Variants in TNRC6B observed in about 807,000 individuals in gnomAD.
TNRC6B encodes the protein trinucleotide repeat-containing gene 6B protein.
A neutral mutation model predicts 203.6 loss-of-function variants in TNRC6B; 52 were observed. The observed-to-expected ratio is 0.26, with a 90% CI of 0.20 to 0.32. TNRC6B has a LOEUF of 0.32. TNRC6B is among the 10% of genes least tolerant of loss of function. TNRC6B has a pLI of 1.00. For missense variants in TNRC6B, 1,923 were observed against 2,286.2 expected, an observed-to-expected ratio of 0.84 and a Z score of 3.24; for synonymous variants, 838 against 845.7, an observed-to-expected ratio of 0.99 and a Z score of 0.16.
chr22:40,130,006 T>C (rs1314449996), intron 3 of TNRC6B, among the ~76,000 whole-genome samples: 1 of 152,218 alleles, frequency 6.6e-6, no homozygotes, highest in African/African-American at 2.4e-5. Context: ...AAAGAGAAAT[T>C]AAATGATTTT....
chr22:40,207,971 G>A (rs550898420), intron 1 of TNRC6B, among the ~76,000 whole-genome samples: 8 of 151,814 alleles, frequency 5.3e-5, no homozygotes, highest in South Asian at 4.2e-4. Context: ...AAAATTAGCC[G>A]GGCATGGTGG....
At chr22:40,050,725 T>G (rs1259091787) in intron 1 of TNRC6B, among the ~76,000 whole-genome samples, 1 of 152,172 alleles carries the variant, frequency 6.6e-6, no homozygotes, top group Admixed American at 6.5e-5. Flanking sequence ...TGGCCAAGTG[T>G]CAGGCATACA....
intron 22 of TNRC6B, among the ~76,000 whole-genome samples, chr22:40,322,508 C>G (rs2071347093): frequency 6.6e-6 from 1 of 152,236 alleles, no homozygotes; most frequent in African/African-American, 2.4e-5. Context: ...CCCACAGACA[C>G]ACACGTTTTT....
chr22:40,275,364 C>G (rs2070624905), intron 7 of TNRC6B, among the ~76,000 whole-genome samples: 1 of 152,090 alleles, frequency 6.6e-6, no homozygotes, highest in Admixed American at 6.5e-5. Context: ...AGGTTGACAA[C>G]CAAGATTTAA....
In TNRC6B at chr22:40,262,105, C is replaced by A; in HGVS notation, c.389C>A (p.Pro130His). ...GCAGGGCCTCCTCCCTGCACAGCAC[C>A]TGGAGCAAACCCAAACAACGCACAA... is the stretch of plus-strand genomic sequence containing the variant. ...GGAGPPPCTA[P>H]GANPNNAQVT... Residue 130 changes from proline (P) to histidine (H), a missense_variant, in exon 4 of 23, where the codon CCT (proline) becomes CAT (histidine). Pro to His is a moderately conservative substitution (Grantham distance 77). Transcript: ENST00000454349. 1 of 1,527,600 alleles carries A rather than the reference C, an allele frequency of 6.5e-7. No homozygotes were observed. 94.6% of individuals were successfully genotyped at this position (1,527,600 alleles called of 1,614,324 possible). A position where few individuals can be genotyped will look rare whatever the true frequency, so the allele number is the denominator to read the frequency against.
intron 1 of TNRC6B, among the ~76,000 whole-genome samples, chr22:40,209,036 C>T (rs1485136867): frequency 6.6e-6 from 1 of 152,136 alleles, no homozygotes; most frequent in Admixed American, 6.5e-5. Context: ...CAACAATATG[C>T]CTATCCCCTG....
intron 16 of TNRC6B, among the ~76,000 whole-genome samples, chr22:40,309,491 C>T (rs2071141911): frequency 6.6e-6 from 1 of 152,212 alleles, no homozygotes; most frequent in African/African-American, 2.4e-5. Flanking sequence ...CTCTGCCTGC[C>T]ATCCCTAAGC....
chr22:40,098,994 G>A (rs745772227), intron 1 of TNRC6B, among the ~76,000 whole-genome samples: 1 of 152,118 alleles, frequency 6.6e-6, no homozygotes, highest in Non-Finnish European at 1.5e-5. Flanking sequence ...GCTCGCACCT[G>A]TAATCCCAGC....
At chr22:40,207,582 T>A (rs1307393842) in intron 1 of TNRC6B, among the ~76,000 whole-genome samples, 3 of 151,628 alleles carry the variant, frequency 2.0e-5, no homozygotes, top group African/African-American at 7.3e-5. Context: ...GTACCTGTGA[T>A]CAACAGAGGA....
rs757788193 is a variant in TNRC6B, at chr22:40,281,248, A to C, written c.3541A>C (p.Ile1181Leu). The stretch of plus-strand genomic sequence containing the variant: ...ACTACCCAACGTCAGCCTTGGAGCA[A>C]TCGGCACAGGGCTCAACCCCCAAAA... Reference protein sequence around the residue: ...STLPNVSLGAIGTGLNPQNFA... With the variant: ...STLPNVSLGALGTGLNPQNFA... Residue 1181 changes from isoleucine to leucine, a missense_variant, in exon 11 of 23, where the codon ATC (isoleucine) becomes CTC (leucine). This residue lies in a region of TNRC6B where 599 missense variants were observed against 656.5 expected (regional missense o/e 0.91). Transcript: ENST00000454349. 1 of 1,550,368 alleles carries C rather than the reference A, an allele frequency of 6.5e-7. No individual in the cohort carries two copies. Among genetic ancestry groups the C allele is most frequent in the Non-Finnish European group, 8.7e-7 (1 of 1,146,452 alleles).
chr22:40,205,645 C>A (rs73165057), intron 1 of TNRC6B, among the ~76,000 whole-genome samples: 28 of 152,222 alleles, frequency 1.8e-4, no homozygotes, highest in Non-Finnish European at 3.4e-4. Context: ...ACTACCACTG[C>A]CTAACAGTAA....
intron 6 of TNRC6B, 98 bp downstream of exon 6, chr22:40,270,378 G>GGC: frequency 2.5e-6 from 3 of 1,217,168 alleles, no homozygotes; most frequent in Non-Finnish European, 2.1e-6. Flanking sequence ...GGAGTGCAGT[G>GGC]GTGCAATTTC....
At chr22:40,100,163 T>G (rs1278086494) in intron 1 of TNRC6B, among the ~76,000 whole-genome samples, 1 of 151,744 alleles carries the variant, frequency 6.6e-6, no homozygotes, top group African/African-American at 2.4e-5. Flanking sequence ...CTTGGCTTAC[T>G]GCAATCTCCA....
intron 1 of TNRC6B, among the ~76,000 whole-genome samples, chr22:40,051,001 T>G (rs2067739856): frequency 6.6e-6 from 1 of 151,990 alleles, no homozygotes; most frequent in Non-Finnish European, 1.5e-5. Context: ...ATTTTTGTAT[T>G]TTTAGTAAAG....
intron 3 of TNRC6B, among the ~76,000 whole-genome samples, chr22:40,128,356 G>T (rs1281540874): frequency 1.3e-5 from 2 of 152,134 alleles, no homozygotes; most frequent in Non-Finnish European, 2.9e-5. Context: ...TTGTCATTTT[G>T]CTGTGGTTAC....
chr22:40,234,282 AAAAC>A (rs553984505), intron 1 of TNRC6B, among the ~76,000 whole-genome samples: 32 of 152,312 alleles, frequency 2.1e-4, no homozygotes, highest in Admixed American at 1.1e-3. Flanking sequence ...ACCCTGTCTC[AAAAC>A]AAACAAACAA....
upstream of TNRC6B, chr22:40,177,818 CT>C: frequency 1.5e-6 from 2 of 1,301,974 alleles, no homozygotes; most frequent in Non-Finnish European, 1.9e-6. Context: ...GCTGCTTCCC[CT>C]TTAAGGCAGT....
intron 11 of TNRC6B, among the ~76,000 whole-genome samples, chr22:40,283,370 TGC>T (rs988215467): frequency 4.6e-5 from 7 of 152,162 alleles, no homozygotes; most frequent in African/African-American, 1.7e-4. Context: ...GATGGGGTCT[TGC>T]TTATGTTGCC....
intron 4 of TNRC6B, among the ~76,000 whole-genome samples, chr22:40,172,580 T>A (rs1466547709): frequency 6.6e-6 from 1 of 152,246 alleles, no homozygotes; most frequent in Non-Finnish European, 1.5e-5. Flanking sequence ...CTGATAATAT[T>A]TTACTTAGTA....
Sources: allele counts gnomAD v4.1 joint callset (sites outside exome capture counted in the v4.1 genomes callset), GRCh38; gene constraint gnomAD v4.1.1; regional missense constraint gnomAD v4.1.1; transcripts MANE v1.5; gene names NCBI Gene and HGNC (gene_info 2026-07-23, HGNC 2026-07-21).